The following ARFGAP3 variants were observed in gnomAD, a reference collection of about 807,000 sequenced individuals.
ARFGAP3 encodes ARF GTPase activating protein 3.
Under a neutral mutation model 75.0 loss-of-function variants are expected in ARFGAP3, and 72 were observed. That is an observed-to-expected ratio of 0.96 (90% CI 0.79 to 1.17). The LOEUF (loss-of-function observed/expected upper bound fraction) is 1.17, where lower values mean the gene tolerates loss of function less well. Ranked by LOEUF, ARFGAP3 falls within the 50% of genes most tolerant of loss-of-function variation. The probability of loss-of-function intolerance (pLI) is 0.00; values close to 1 mark genes in which losing one functional copy is unlikely to be tolerated. For missense variants in ARFGAP3, 620 were observed against 626.6 expected, an observed-to-expected ratio of 0.99 and a Z score of 0.11; for synonymous variants, 221 against 217.9, an observed-to-expected ratio of 1.01 and a Z score of -0.13.
At chr22:42,804,384 T>A (rs1447467299) in intron 14 of ARFGAP3, among the ~76,000 whole-genome samples, 1 of 139,880 alleles carries the variant, frequency 7.1e-6, no homozygotes, top group East Asian at 2.1e-4. Context: ...TAATTTTTTT[T>A]TTTTTTTTTT....
At chr22:42,812,165 C>T (rs960484752) in intron 11 of ARFGAP3, among the ~76,000 whole-genome samples, 1 of 132,924 alleles carries the variant, frequency 7.5e-6, no homozygotes, top group African/African-American at 2.9e-5. Context: ...GCCGAGACTG[C>T]AGTGAGCCAT....
chr22:42,812,256 G>A (rs940169754), intron 11 of ARFGAP3, among the ~76,000 whole-genome samples: 1 of 149,034 alleles, frequency 6.7e-6, no homozygotes, highest in African/African-American at 2.5e-5. Flanking sequence ...AAGGGACTGT[G>A]CCATGCCAGA....
At position 42,817,725 on chromosome 22, in the gene ARFGAP3, A is replaced by G. The variant is rs1424010044; in HGVS notation, c.941+4T>C. The G allele has an allele frequency of 1.2e-6, 2 of 1,607,614 alleles. No individual in the cohort carries two copies. Among genetic ancestry groups the G allele is most frequent in the African/African-American group, 1.3e-5 (1 of 74,796 alleles). On this transcript the variant is annotated splice_donor_region_variant and intron_variant, in intron 10 of 15. Transcript: ENST00000263245. ...TCTAACTCCAAGAAAGCAGTCTCACATACCTTCTGCAATTTCCAAATCCCA... is the reference window on the plus strand; with the variant it reads ...TCTAACTCCAAGAAAGCAGTCTCACGTACCTTCTGCAATTTCCAAATCCCA...
intron 1 of ARFGAP3, among the ~76,000 whole-genome samples, chr22:42,852,794 G>A (rs1207183653): frequency 1.3e-5 from 2 of 149,828 alleles, no homozygotes; most frequent in Non-Finnish European, 3.0e-5. Context: ...AGATGGAGTC[G>A]CTCTCTGTTG....
At chr22:42,855,117 G>A (rs1297292623) in intron 1 of ARFGAP3, among the ~76,000 whole-genome samples, 1 of 152,074 alleles carries the variant, frequency 6.6e-6, no homozygotes, top group Non-Finnish European at 1.5e-5. Flanking sequence ...TTTCAGAGGA[G>A]GAAAAAAGGG....
chr22:42,855,965 G>C (rs1927478214), intron 1 of ARFGAP3, among the ~76,000 whole-genome samples: 1 of 152,186 alleles, frequency 6.6e-6, no homozygotes, highest in South Asian at 2.1e-4. Flanking sequence ...GGCTTGGGCT[G>C]GGTAGGTCAA....
intron 14 of ARFGAP3, among the ~76,000 whole-genome samples, chr22:42,801,241 G>T (rs1021899928): frequency 6.6e-6 from 1 of 152,174 alleles, no homozygotes; most frequent in African/African-American, 2.4e-5. Flanking sequence ...AGAGGCAGGC[G>T]GATTAAGGAT....
At chr22:42,823,403 G>T (rs995067148) in intron 8 of ARFGAP3, among the ~76,000 whole-genome samples, 5 of 151,830 alleles carry the variant, frequency 3.3e-5, no homozygotes, top group Admixed American at 6.6e-5. Context: ...AAATTCCCAG[G>T]GGACCTTTGT....
At chr22:42,843,087 C>A (rs75198518) in intron 2 of ARFGAP3, among the ~76,000 whole-genome samples, 5,824 of 151,564 alleles carry the variant, frequency 0.038, 158 homozygotes, top group African/African-American at 0.074. Context: ...CTCCCCCCGA[C>A]CCCCCAACCA....
chr22:42,809,001 T>C, intron 12 of ARFGAP3, 111 bp from the exon 13 acceptor site: 1 of 1,248,844 alleles, frequency 8.0e-7, no homozygotes, highest in Non-Finnish European at 1.0e-6. Flanking sequence ...TGTAAAAGGA[T>C]TTTAGGCTGT....
At chr22:42,825,352 G>A (rs572079542) in intron 7 of ARFGAP3, among the ~76,000 whole-genome samples, 1 of 152,164 alleles carries the variant, frequency 6.6e-6, no homozygotes, top group Non-Finnish European at 1.5e-5. Flanking sequence ...CTTATATATA[G>A]ATTTTATCAT....
chr22:42,815,755 T>C (rs554839685), intron 11 of ARFGAP3, among the ~76,000 whole-genome samples: 1 of 152,288 alleles, frequency 6.6e-6, no homozygotes, highest in South Asian at 2.1e-4. Context: ...CACCTTCAGT[T>C]TTCATGAACT....
At chr22:42,798,651 ATATC>A (rs569415528) in intron 15 of ARFGAP3, among the ~76,000 whole-genome samples, 148 of 152,278 alleles carry the variant, frequency 9.7e-4, no homozygotes, top group Non-Finnish European at 1.7e-3. Context: ...ATAGATATGT[ATATC>A]TTTTTAATCT....
intron 15 of ARFGAP3, 31 bp downstream of exon 15, chr22:42,799,008 T>C: frequency 6.3e-7 from 1 of 1,590,572 alleles, no homozygotes; most frequent in Non-Finnish European, 8.6e-7. Context: ...CCTACCGTCA[T>C]AGCCAGTGAG....
rs544734529 is a variant in ARFGAP3 at position 42,817,374 on chromosome 22, G to A, written c.942-110C>T. ...GAACAAAGACAAATGTATTCGAGGGGTTAAAAACATAAGCAATAAAACAAT... is the reference window on the plus strand; with the variant it reads ...GAACAAAGACAAATGTATTCGAGGGATTAAAAACATAAGCAATAAAACAAT... On this transcript the variant is annotated intron_variant, in intron 10 of 15. Coordinates refer to ENST00000263245, the MANE Select transcript of ARFGAP3 (RefSeq NM_014570.5). 2.5e-4 allele frequency: 348 copies of A among 1,406,828 alleles called. 1 individual carries two copies. In the Middle Eastern group the frequency reaches 4.6e-3, roughly 18 times the overall value. The allele number at this position is 1,406,828 out of a possible 1,614,324, so 87.1% of individuals were successfully genotyped here. A position where few individuals can be genotyped will look rare whatever the true frequency, so the allele number is the denominator to read the frequency against.
chr22:42,842,303 C>T (rs58293766), intron 2 of ARFGAP3, among the ~76,000 whole-genome samples: 20 of 106,208 alleles, frequency 1.9e-4, no homozygotes, highest in African/African-American at 8.4e-4. Context: ...CCGTGCCTGG[C>T]CTTTTTTTTT....
intron 15 of ARFGAP3, among the ~76,000 whole-genome samples, chr22:42,798,804 T>C (rs1298514913): frequency 1.3e-5 from 2 of 152,344 alleles, no homozygotes; most frequent in South Asian, 2.1e-4. Flanking sequence ...GGAAAAAAAC[T>C]GGACAATGGT....
At chr22:42,854,194 C>T (rs1036770612) in intron 1 of ARFGAP3, among the ~76,000 whole-genome samples, 1 of 152,176 alleles carries the variant, frequency 6.6e-6, no homozygotes, top group African/African-American at 2.4e-5. Context: ...AACATACCAT[C>T]AGTGTACATA....
intron 6 of ARFGAP3, among the ~76,000 whole-genome samples, chr22:42,827,373 T>C (rs186881561): frequency 1.3e-5 from 2 of 152,224 alleles, no homozygotes; most frequent in African/African-American, 4.8e-5. Context: ...GTTTTGTTTT[T>C]TTTTCTTTTG....
Sources: gnomAD v4.1 joint callset for allele counts (sites outside exome capture counted in the v4.1 genomes callset) on GRCh38, gnomAD v4.1.1 for gene constraint, MANE v1.5 for transcripts, NCBI Gene and HGNC (gene_info 2026-07-23, HGNC 2026-07-21) for gene names.